Variants in USP15 observed in about 807,000 individuals in gnomAD.
USP15 encodes ubiquitin specific peptidase 15.
Under a neutral mutation model 127.1 loss-of-function variants are expected in USP15, and 18 were observed. That is an observed-to-expected ratio of 0.14 (90% CI 0.10 to 0.21). The LOEUF (loss-of-function observed/expected upper bound fraction) is 0.21. Among genes scored for constraint, USP15 ranks in the 10% least tolerant of loss-of-function variants. The pLI, the probability that USP15 is intolerant of heterozygous loss-of-function variation, is 1.00. For synonymous variants in USP15, 364 were observed against 393.7 expected, an observed-to-expected ratio of 0.92 and a Z score of 0.89; for missense variants, 805 against 1,159.9, an observed-to-expected ratio of 0.69 and a Z score of 4.44.
intron 4 of USP15, among the ~76,000 whole-genome samples, chr12:62,317,307 A>G (rs972276708): frequency 1.3e-5 from 2 of 152,106 alleles, no homozygotes; most frequent in African/African-American, 4.8e-5. Context: ...CTTTACAGGA[A>G]TTTTCTTGTT....
chr12:62,391,472 G>C (rs746007647), intron 16 of USP15, 43 bp downstream of exon 16: 17 of 1,568,340 alleles, frequency 1.1e-5, no homozygotes, highest in Non-Finnish European at 1.4e-5. Context: ...AACAAGCCGA[G>C]CATGTTATTT....
rs781502852 is a variant in USP15, at chr12:62,393,161, C to T, written c.2529C>T (p.Tyr843=). The T allele has an allele frequency of 6.2e-6, 10 of 1,613,702 alleles. No homozygotes were observed. The African/African-American group carries it at 1.1e-4, about 17-fold the overall frequency. The change falls in exon 19 of 22, where the codon TAC becomes TAT. Residue 843 remains tyrosine, a synonymous_variant. Coordinates refer to ENST00000280377, the MANE Select transcript of USP15 (RefSeq NM_001252078.2). ...VHLKRFSYSR[Y]MRDKLDTLVD... ...TCAAGCGATTTTCTTACAGTCGATA[C>T]ATGAGAGACAAGTTGGATACCTTAG...
intron 1 of USP15, among the ~76,000 whole-genome samples, chr12:62,268,723 A>AAT (rs1565801401): frequency 6.6e-6 from 1 of 152,136 alleles, no homozygotes; most frequent in Non-Finnish European, 1.5e-5. Context: ...TTGCTTTTAA[A>AAT]ATATATATGT....
chr12:62,373,676 T>C (rs1373315209), intron 8 of USP15, among the ~76,000 whole-genome samples: 1 of 152,104 alleles, frequency 6.6e-6, no homozygotes, highest in East Asian at 1.9e-4. Context: ...GAAAATTATA[T>C]CCATTTCTAT....
In USP15 at chr12:62,325,771, C is replaced by T. The variant is rs933304138; in HGVS notation, c.622-101C>T. Reference sequence around the variant, plus strand: ...TGTCTACTGTTTTCCTTTAAATAATCACAGAGTTACTTTAGTTTCTTAGTT... The same window carrying T: ...TGTCTACTGTTTTCCTTTAAATAATTACAGAGTTACTTTAGTTTCTTAGTT... On this transcript the variant is annotated intron_variant, in intron 5 of 21. Transcript: ENST00000280377. 1.4e-5 allele frequency: 13 copies of T among 949,582 alleles called. No individual in the cohort carries two copies. In the Admixed American group the frequency reaches 1.7e-4, roughly 12 times the overall value. The allele number at this position is 949,582 out of a possible 1,614,324, so 58.8% of individuals were successfully genotyped here.
chr12:62,294,839 A>G (rs959742601), intron 2 of USP15, among the ~76,000 whole-genome samples: 2 of 152,166 alleles, frequency 1.3e-5, no homozygotes, highest in Admixed American at 6.5e-5. Context: ...AGGGAACAAA[A>G]CATAAGTACC....
intron 1 of USP15, among the ~76,000 whole-genome samples, chr12:62,282,258 G>T (rs1420599319): frequency 6.6e-6 from 1 of 152,060 alleles, no homozygotes; most frequent in Non-Finnish European, 1.5e-5. Context: ...AGCCAGGGAG[G>T]TTGAGACTAC....
chr12:62,314,673 A>C, intron 3 of USP15, 117 bp from the exon 4 acceptor site: 1 of 975,606 alleles, frequency 1.0e-6, no homozygotes, highest in Non-Finnish European at 1.4e-6. Context: ...AGGCTTTAAT[A>C]GTGACTGGTT....
intron 6 of USP15, among the ~76,000 whole-genome samples, chr12:62,348,382 G>T (rs1029176318): frequency 6.6e-5 from 10 of 152,064 alleles, no homozygotes; most frequent in Admixed American, 1.3e-4. Context: ...CCATTTCATT[G>T]TTCGTTAGCA....
chr12:62,385,011 T>G (rs1190619430), intron 11 of USP15, among the ~76,000 whole-genome samples: 1 of 151,824 alleles, frequency 6.6e-6, no homozygotes, highest in African/African-American at 2.4e-5. Context: ...TGAAAGTAAC[T>G]TCTTCTTTTT....
intron 1 of USP15, among the ~76,000 whole-genome samples, chr12:62,264,419 ATG>A (rs2063147660): frequency 1.3e-5 from 2 of 152,202 alleles, no homozygotes; most frequent in Admixed American, 1.3e-4. Flanking sequence ...AGTAATTTTT[ATG>A]TGTGATTATG....
intron 7 of USP15, among the ~76,000 whole-genome samples, chr12:62,354,341 T>C (rs867739342): frequency 1.3e-5 from 2 of 152,010 alleles, no homozygotes; most frequent in African/African-American, 2.4e-5. Context: ...TACTGATTTA[T>C]CATGCTCATT....
intron 1 of USP15, among the ~76,000 whole-genome samples, chr12:62,270,903 A>G (rs1463550258): frequency 6.6e-6 from 1 of 151,996 alleles, no homozygotes; most frequent in African/African-American, 2.4e-5. Context: ...ATCTTTTTGC[A>G]GCCTGTCTTC....
intron 8 of USP15, among the ~76,000 whole-genome samples, chr12:62,375,499 G>A (rs552347363): frequency 1.3e-4 from 20 of 152,250 alleles, no homozygotes; most frequent in Admixed American, 5.2e-4. Context: ...TGAGGTACAA[G>A]GGTGAATAAG....
At chr12:62,267,240 A>G (rs987442884) in intron 1 of USP15, 3 of 152,082 alleles carry the variant, frequency 2.0e-5, no homozygotes, top group Non-Finnish European at 2.9e-5. Flanking sequence ...TCGTTCTCCC[A>G]TTTATCCTTT....
At chr12:62,343,149 C>T (rs940094499) in intron 6 of USP15, among the ~76,000 whole-genome samples, 39 of 152,202 alleles carry the variant, frequency 2.6e-4, no homozygotes, top group African/African-American at 8.9e-4. Flanking sequence ...AGTCTGGCCA[C>T]AGCCACTTTG....
At chr12:62,263,256 G>T (rs1034626328) in intron 1 of USP15, among the ~76,000 whole-genome samples, 3 of 152,106 alleles carry the variant, frequency 2.0e-5, no homozygotes, top group Non-Finnish European at 4.4e-5. Flanking sequence ...GCATATGTAT[G>T]TAACTGTCTA....
At chr12:62,289,647 A>G (rs2063895308) in intron 1 of USP15, among the ~76,000 whole-genome samples, 1 of 137,390 alleles carries the variant, frequency 7.3e-6, no homozygotes, top group African/African-American at 2.8e-5. Flanking sequence ...TCAAATTTGG[A>G]TTTAGTTCTT....
In USP15 at chr12:62,390,958, A is replaced by G. The variant is rs1243621978; in HGVS notation, c.1939A>G (p.Ile647Val). ...TATTAATGGGAATGGCCCAAATGGC[A>G]TACATGAAGAAGGCTCACCAAGTAA... ...QNINGNGPNG[I>V]HEEGSPSEME... Residue 647 changes from isoleucine (I) to valine (V), a missense_variant, in exon 15 of 22, where the codon ATA (isoleucine) becomes GTA (valine). Physicochemically the swap from Ile to Val is conservative, Grantham distance 29 (BLOSUM62 3). Around this residue, in one of 11 missense-constraint regions of USP15, gnomAD observed 225 missense variants for 239.5 expected, o/e 0.94. Transcript: ENST00000280377. 4 of 1,612,598 alleles carry G rather than the reference A, an allele frequency of 2.5e-6. No individual in the cohort carries two copies. Among genetic ancestry groups the G allele is most frequent in the Non-Finnish European group, 3.4e-6 (4 of 1,179,100 alleles).
Sources: allele counts gnomAD v4.1 joint callset (sites outside exome capture counted in the v4.1 genomes callset), GRCh38; gene constraint gnomAD v4.1.1; regional missense constraint gnomAD v4.1.1; transcripts MANE v1.5; gene names NCBI Gene and HGNC (gene_info 2026-07-23, HGNC 2026-07-21).